Variants in CLVS1 observed in about 807,000 individuals in gnomAD.
CLVS1 encodes clavesin-1.
CLVS1 carries 10 observed loss-of-function variants against 33.1 expected under a neutral mutation model. That is an observed-to-expected ratio of 0.30 (90% CI 0.19 to 0.51). The LOEUF is 0.51. Ranked by LOEUF, CLVS1 falls within the 20% of genes least tolerant of loss-of-function variation. The pLI, the probability that CLVS1 is intolerant of heterozygous loss-of-function variation, is 0.97. For synonymous variants in CLVS1, 163 were observed against 166.1 expected, an observed-to-expected ratio of 0.98 and a Z score of 0.14; for missense variants, 343 against 433.4, an observed-to-expected ratio of 0.79 and a Z score of 1.85.
In CLVS1 at chr8:61,496,223, T is replaced by TAA. The variant is rs138819026; in HGVS notation, c.978-3230_978-3229dup. 9.5e-3 allele frequency among the ~76,000 whole-genome samples: 1,451 copies of TAA among 152,184 alleles called. 11 individuals are homozygous for TAA. Among genetic ancestry groups the TAA allele is most frequent in the African/African-American group, 0.033 (1,384 of 41,488 alleles). ...GTGGTTCTCATGCCATGTTGTGAAA[T>TAA]AAAGTGAAGTCATATGACAGAAGGT... On this transcript the variant is annotated intron_variant, in intron 5 of 5. Transcript: ENST00000325897.
intron 1 of CLVS1, among the ~76,000 whole-genome samples, chr8:61,069,408 TCTTC>T (rs35758644): frequency 0.3 from 46,105 of 151,448 alleles, 7,344 homozygotes; most frequent in East Asian, 0.57. Context: ...TTTCTCTCTC[TCTTC>T]CTTCCTTCCT....
chr8:61,052,395 G>A (rs1804400006), upstream of CLVS1, among the ~76,000 whole-genome samples: 1 of 152,214 alleles, frequency 6.6e-6, no homozygotes, highest in South Asian at 2.1e-4. Context: ...AGGGCGACAG[G>A]AATCCCCAGA....
chr8:61,191,680 C>G (rs1487048988), intron 2 of CLVS1, among the ~76,000 whole-genome samples: 1 of 62,678 alleles, frequency 1.6e-5, no homozygotes, highest in Admixed American at 1.6e-4. Context: ...GGCAAAGTCT[C>G]AGGATAAAAA....
intron 2 of CLVS1, among the ~76,000 whole-genome samples, chr8:61,230,071 T>G (rs1474694466): frequency 6.6e-6 from 1 of 152,092 alleles, no homozygotes; most frequent in African/African-American, 2.4e-5. Flanking sequence ...CCTTACACTA[T>G]GGTGAGGGGC....
At chr8:61,482,047 G>C (rs1818214828) in intron 5 of CLVS1, among the ~76,000 whole-genome samples, 1 of 152,194 alleles carries the variant, frequency 6.6e-6, no homozygotes, top group Admixed American at 6.5e-5. Context: ...TGCAATATTT[G>C]CTATTGTGCA....
chr8:61,047,891 A>G, the CLVS1 span, among the ~76,000 whole-genome samples: 2 of 152,172 alleles, frequency 1.3e-5, no homozygotes, highest in South Asian at 4.1e-4. Context: ...ATGTATACAT[A>G]TGTAACTAAC....
At chr8:61,082,052 T>C (rs995990040) in intron 1 of CLVS1, among the ~76,000 whole-genome samples, 1 of 152,180 alleles carries the variant, frequency 6.6e-6, no homozygotes, top group African/African-American at 2.4e-5. Flanking sequence ...GTAAGGGCTC[T>C]AATTGAAAAA....
At chr8:61,129,952 T>G (rs1008107552) in intron 1 of CLVS1, among the ~76,000 whole-genome samples, 2 of 152,082 alleles carry the variant, frequency 1.3e-5, no homozygotes, top group Non-Finnish European at 2.9e-5. Context: ...GATTCAAGAG[T>G]TAAGGCCAGG....
chr8:61,267,062 G>A (rs754464698), intron 2 of CLVS1, among the ~76,000 whole-genome samples: 7 of 152,226 alleles, frequency 4.6e-5, no homozygotes, highest in South Asian at 2.1e-4. Flanking sequence ...GGTGCCTGAT[G>A]GTAGAAATAA....
At chr8:61,482,274 C>T (rs1286219600) in intron 5 of CLVS1, among the ~76,000 whole-genome samples, 1 of 152,214 alleles carries the variant, frequency 6.6e-6, no homozygotes, top group Non-Finnish European at 1.5e-5. Context: ...GAGGAAAATT[C>T]TAAAAATCAG....
chr8:60,970,960 G>A, the CLVS1 span, among the ~76,000 whole-genome samples: 6 of 148,408 alleles, frequency 4.0e-5, no homozygotes, highest in Admixed American at 1.3e-4. Flanking sequence ...TTTCTAAAAC[G>A]TTTCCTCAAC....
the CLVS1 span, among the ~76,000 whole-genome samples, chr8:61,034,505 G>T: frequency 6.6e-6 from 1 of 151,904 alleles, no homozygotes; most frequent in Non-Finnish European, 1.5e-5. Flanking sequence ...CTGAAACTTT[G>T]TACCATTTGA....
At chr8:61,041,994 T>A in the CLVS1 span, among the ~76,000 whole-genome samples, 250 of 152,198 alleles carry the variant, frequency 1.6e-3, 1 homozygote, top group African/African-American at 5.5e-3. Context: ...AGAAAAAAAA[T>A]TTCTTGATGG....
chr8:61,159,665 G>A (rs1306905994), intron 2 of CLVS1, among the ~76,000 whole-genome samples: 1 of 152,320 alleles, frequency 6.6e-6, no homozygotes, highest in Non-Finnish European at 1.5e-5. Context: ...ATAACTCACT[G>A]AGAATATGAA....
At chr8:61,220,742 G>T (rs555970117) in intron 2 of CLVS1, among the ~76,000 whole-genome samples, 136 of 151,932 alleles carry the variant, frequency 9.0e-4, no homozygotes, top group African/African-American at 3.1e-3. Flanking sequence ...TCTGTAAATT[G>T]CTTTGGGCAG....
chr8:61,172,680 T>C (rs867391093), intron 2 of CLVS1, among the ~76,000 whole-genome samples: 90 of 152,164 alleles, frequency 5.9e-4, no homozygotes, highest in African/African-American at 2.0e-3. Context: ...CTTTAAAATG[T>C]GCAATGTCTC....
intron 2 of CLVS1, among the ~76,000 whole-genome samples, chr8:61,257,239 C>T (rs911127175): frequency 6.6e-6 from 1 of 152,160 alleles, no homozygotes; most frequent in Admixed American, 6.5e-5. Flanking sequence ...TTTTCTTTTG[C>T]AGCAACCAAA....
At chr8:61,212,129 T>G (rs1468946857) in intron 2 of CLVS1, among the ~76,000 whole-genome samples, 2 of 152,232 alleles carry the variant, frequency 1.3e-5, no homozygotes, top group Admixed American at 6.5e-5. Context: ...TTTGTCGCAG[T>G]AGCCATAAGA....
At chr8:61,337,802 T>A in intron 2 of CLVS1, among the ~76,000 whole-genome samples, 1 of 152,178 alleles carries the variant, frequency 6.6e-6, no homozygotes, top group East Asian at 1.9e-4. Flanking sequence ...GGGGTCTAGA[T>A]TCTGATTTGG....
Sources: allele counts gnomAD v4.1 joint callset (sites outside exome capture counted in the v4.1 genomes callset), GRCh38; gene constraint gnomAD v4.1.1; transcripts MANE v1.5; gene names NCBI Gene and HGNC (gene_info 2026-07-23, HGNC 2026-07-21).